The following DACH2 variants were observed in gnomAD, a reference collection of about 807,000 sequenced individuals.
DACH2 encodes dachshund family transcription factor 2, also known as dachshund homolog 2.
DACH2 carries 17 observed loss-of-function variants against 35.8 expected under a neutral mutation model. The ratio of observed to expected loss-of-function variants is 0.48; its 90% confidence interval spans 0.33 to 0.71. The LOEUF is 0.71. Among genes scored for constraint, DACH2 ranks in the 30% least tolerant of loss-of-function variants. The probability of loss-of-function intolerance (pLI) is 0.02; values close to 1 mark genes in which losing one functional copy is unlikely to be tolerated. For synonymous variants in DACH2, 195 were observed against 177.3 expected (o/e 1.10, Z -0.79); for missense variants, 469 against 472.7 (o/e 0.99, Z 0.07).
rs56012558 is a variant in DACH2, at chrX:86,200,635, C to CAA, written c.488+51543_488+51544dup. ...AGTGGGTAAAGGACATGAACTTTTCCAAAAAAAAAAAAAAAAAGACATATA... is the reference window on the plus strand; with the variant it reads ...AGTGGGTAAAGGACATGAACTTTTCCAAAAAAAAAAAAAAAAAAAGACATATA... On this transcript the variant is annotated intron_variant, in intron 1 of 11. Transcript: ENST00000373125. Among the ~76,000 whole-genome samples the CAA allele has an allele frequency of 6.0e-3, 285 of 47,672 alleles. 10 individuals are homozygous for CAA. Among genetic ancestry groups the CAA allele is most frequent in the Middle Eastern group, 0.017 (1 of 58 alleles). The allele number at this position is 47,672 out of a possible 115,157, so 41.4% of individuals were successfully genotyped here.
intron 1 of DACH2, among the ~76,000 whole-genome samples, chrX:86,308,356 A>T (rs2034731190): frequency 1.8e-5 from 2 of 112,646 alleles, no homozygotes; most frequent in African/African-American, 6.4e-5. Flanking sequence ...TGTCAAAGGC[A>T]AGGTGGGCAT....
chrX:86,504,252 G>A (rs1381477697), intron 2 of DACH2, among the ~76,000 whole-genome samples: 1 of 110,620 alleles, frequency 9.0e-6, no homozygotes, highest in Non-Finnish European at 1.9e-5. Context: ...TGAATCAATG[G>A]CATAGGTAAA....
At chrX:86,486,144 G>T (rs1278213735) in intron 2 of DACH2, among the ~76,000 whole-genome samples, 2 of 110,792 alleles carry the variant, frequency 1.8e-5, no homozygotes, top group African/African-American at 6.6e-5. Flanking sequence ...TTTCCCTGCT[G>T]ACTGGCCCCA....
At chrX:86,426,592 G>C (rs2036897807) in intron 2 of DACH2, among the ~76,000 whole-genome samples, 1 of 111,478 alleles carries the variant, frequency 9.0e-6, no homozygotes, top group Admixed American at 9.6e-5. Context: ...CTTATGTGCA[G>C]AGTAAAAATA....
chrX:86,588,457 A>G (rs188678498), intron 3 of DACH2, among the ~76,000 whole-genome samples: 2 of 111,857 alleles, frequency 1.8e-5, no homozygotes, highest in East Asian at 5.7e-4. Flanking sequence ...TTTTGGCAGT[A>G]TGGCCATTTT....
Position 86,545,840 on chromosome X carries a change from A to G in DACH2, c.640+31449A>G, listed in dbSNP as rs757878249. Among the ~76,000 whole-genome samples, 8 of 112,275 alleles carry G rather than the reference A, an allele frequency of 7.1e-5. No homozygotes were observed. In the South Asian group the frequency reaches 2.9e-3, roughly 41 times the overall value. On this transcript the variant is annotated intron_variant, in intron 3 of 11. Coordinates refer to ENST00000373125, the MANE Select transcript of DACH2 (RefSeq NM_053281.3). ...GAAATACAGGCTGTTTTAAAAGCAA[A>G]CCATGAAAGGAAGATAATAACTTCA...
At chrX:86,175,387 A>G (rs2031266888) in intron 1 of DACH2, among the ~76,000 whole-genome samples, 1 of 111,847 alleles carries the variant, frequency 8.9e-6, no homozygotes, top group African/African-American at 3.3e-5. Context: ...AGTGGGAATG[A>G]AAAGTTTGAG....
At chrX:86,808,814 C>G (rs971871138) in intron 7 of DACH2, among the ~76,000 whole-genome samples, 1 of 111,347 alleles carries the variant, frequency 9.0e-6, no homozygotes, top group African/African-American at 3.3e-5. Flanking sequence ...TCCTGTATCA[C>G]AATCCTTAAA....
intron 2 of DACH2, among the ~76,000 whole-genome samples, chrX:86,426,579 G>T (rs1176817104): frequency 2.7e-5 from 3 of 111,087 alleles, no homozygotes; most frequent in Non-Finnish European, 3.8e-5. Flanking sequence ...CCATTTCTAG[G>T]TGCTTATGTG....
chrX:86,790,259 G>T (rs1478871255), intron 7 of DACH2, among the ~76,000 whole-genome samples: 1 of 111,622 alleles, frequency 9.0e-6, no homozygotes, highest in Non-Finnish European at 1.9e-5. Context: ...TCAACAATAA[G>T]GGTCAATATA....
intron 3 of DACH2, among the ~76,000 whole-genome samples, chrX:86,546,376 T>TCTTCTTCTG (rs1556303854): frequency 4.5e-4 from 31 of 69,373 alleles, no homozygotes; most frequent in African/African-American, 2.6e-3. Flanking sequence ...TTCTTCTTCT[T>TCTTCTTCTG]CTTCTTCTTC....
chrX:86,303,692 G>T (rs188692900), intron 1 of DACH2, among the ~76,000 whole-genome samples: 1 of 104,998 alleles, frequency 9.5e-6, no homozygotes, highest in East Asian at 3.0e-4. Flanking sequence ...TACCTGTAAT[G>T]ATATATAAGC....
intron 2 of DACH2, among the ~76,000 whole-genome samples, chrX:86,442,911 T>C (rs1393630362): frequency 9.0e-6 from 1 of 111,657 alleles, no homozygotes; most frequent in Non-Finnish European, 1.9e-5. Context: ...TTTTGGGCTA[T>C]CTTTTCTGTC....
At chrX:86,277,485 T>C (rs188112240) in intron 1 of DACH2, among the ~76,000 whole-genome samples, 5 of 112,487 alleles carry the variant, frequency 4.4e-5, no homozygotes, top group Non-Finnish European at 7.5e-5. Context: ...TAATGACTTA[T>C]TACTTGCTGT....
chrX:86,813,385 G>A (rs2042413748), intron 9 of DACH2, 108 bp downstream of exon 9: 1 of 652,291 alleles, frequency 1.5e-6, no homozygotes, highest in South Asian at 4.1e-5. Flanking sequence ...GGAGGATCAC[G>A]AGGTCAGGAG....
At chrX:86,738,468 C>A (rs952891051) in intron 6 of DACH2, among the ~76,000 whole-genome samples, 2 of 111,844 alleles carry the variant, frequency 1.8e-5, no homozygotes, top group Admixed American at 1.9e-4. Context: ...GATGTGATTA[C>A]AGATAATTAG....
chrX:86,803,302 T>C (rs2042312410), intron 7 of DACH2, among the ~76,000 whole-genome samples: 1 of 111,789 alleles, frequency 8.9e-6, no homozygotes, highest in Non-Finnish European at 1.9e-5. Flanking sequence ...CAGAGGACTA[T>C]GCTATGTAGA....
At chrX:86,313,461 T>TAAA (rs1458542528) in intron 1 of DACH2, among the ~76,000 whole-genome samples, 2 of 111,782 alleles carry the variant, frequency 1.8e-5, no homozygotes, top group Non-Finnish European at 3.8e-5. Context: ...TTTCTCAATT[T>TAAA]AAAACAACTG....
chrX:86,811,004 A>AAAT (rs1256205967), intron 7 of DACH2, among the ~76,000 whole-genome samples: 1 of 112,166 alleles, frequency 8.9e-6, no homozygotes, highest in Non-Finnish European at 1.9e-5. Context: ...CTTTACTAAA[A>AAAT]AATAATTCCT....
Sources: gnomAD v4.1 joint callset for allele counts (sites outside exome capture counted in the v4.1 genomes callset) on GRCh38, gnomAD v4.1.1 for gene constraint, MANE v1.5 for transcripts, NCBI Gene and HGNC (gene_info 2026-07-23, HGNC 2026-07-21) for gene names.